Variants in AP3B1 observed in about 807,000 individuals in gnomAD.
AP3B1 encodes adaptor related protein complex 3 subunit beta 1, also known as AP-3 complex subunit beta-1.
AP3B1 carries 61 observed loss-of-function variants against 132.5 expected under a neutral mutation model. The observed-to-expected ratio is 0.46, with a 90% CI of 0.37 to 0.57. AP3B1 has a LOEUF of 0.57. Among genes scored for constraint, AP3B1 ranks in the 20% least tolerant of loss-of-function variants. AP3B1 has a pLI of 0.00. For missense variants in AP3B1, 1,120 were observed against 1,289.4 expected, an observed-to-expected ratio of 0.87 and a Z score of 2.01; for synonymous variants, 388 against 438.3, an observed-to-expected ratio of 0.89 and a Z score of 1.43.
chr5:78,177,643 G>T (rs1298035682), intron 8 of AP3B1, among the ~76,000 whole-genome samples: 1 of 152,062 alleles, frequency 6.6e-6, no homozygotes, highest in African/African-American at 2.4e-5. Flanking sequence ...TTGGAAGTGG[G>T]ATCTCTGCAG....
At position 78,003,030 on chromosome 5, in the gene AP3B1, C is replaced by A. The variant is rs546653512; in HGVS notation, c.3157G>T (p.Gly1053Trp). The change falls in exon 27 of 27, where the codon GGG (glycine) becomes TGG (tryptophan). Residue 1053 changes from glycine to tryptophan, a missense_variant. Coordinates refer to ENST00000255194, the MANE Select transcript of AP3B1 (RefSeq NM_003664.5). ...HRFAAKTVHS[G>W]SLMLVTVELK... ...TCCACTGTGACTAGCATCAATGACC[C>A]ACTGTGCACAGTTTTAGCTGCAAAC... The A allele has an allele frequency of 1.9e-6, 3 of 1,614,178 alleles. No individual in the cohort carries two copies. The African/African-American group carries it at 4.0e-5, about 22-fold the overall frequency.
At chr5:78,097,526 G>A (rs1412696173) in intron 21 of AP3B1, among the ~76,000 whole-genome samples, 3 of 105,926 alleles carry the variant, frequency 2.8e-5, no homozygotes, top group African/African-American at 7.6e-5. Context: ...TCAGCCCCCC[G>A]CCCGGCCAGC....
At chr5:78,168,421 G>A (rs759631139) in intron 11 of AP3B1, among the ~76,000 whole-genome samples, 27 of 151,478 alleles carry the variant, frequency 1.8e-4, no homozygotes, top group Admixed American at 1.2e-3. Context: ...ACGGAGTCTC[G>A]TTGTGTTGCT....
chr5:78,213,962 CAG>C (rs1426847651), intron 7 of AP3B1, among the ~76,000 whole-genome samples: 1 of 152,192 alleles, frequency 6.6e-6, no homozygotes, highest in African/African-American at 2.4e-5. Context: ...GTGTTTGAAA[CAG>C]TGGCAAAAGC....
chr5:78,171,606 T>C (rs1420909997), intron 11 of AP3B1, among the ~76,000 whole-genome samples: 3 of 152,244 alleles, frequency 2.0e-5, no homozygotes, highest in Non-Finnish European at 2.9e-5. Flanking sequence ...GACACTTTGC[T>C]GAAGTTGTTT....
chr5:78,113,204 C>T (rs1751672212), intron 19 of AP3B1, among the ~76,000 whole-genome samples: 1 of 152,176 alleles, frequency 6.6e-6, no homozygotes, highest in Non-Finnish European at 1.5e-5. Flanking sequence ...CAGAGTTGCA[C>T]AATCCAAGAT....
At chr5:78,196,057 C>T (rs1224569262) in intron 7 of AP3B1, among the ~76,000 whole-genome samples, 2 of 152,020 alleles carry the variant, frequency 1.3e-5, no homozygotes, top group Non-Finnish European at 1.5e-5. Flanking sequence ...AAAACTTTTG[C>T]TATGCAAAAG....
At chr5:78,205,933 G>A (rs1745487326) in intron 7 of AP3B1, among the ~76,000 whole-genome samples, 1 of 152,022 alleles carries the variant, frequency 6.6e-6, no homozygotes. Flanking sequence ...GAAAATGTAT[G>A]AAGTTACTTA....
At chr5:78,267,213 T>C (rs1748358588) in intron 2 of AP3B1, among the ~76,000 whole-genome samples, 1 of 152,066 alleles carries the variant, frequency 6.6e-6, no homozygotes, top group African/African-American at 2.4e-5. Context: ...CAAAATAGCT[T>C]GTATATCATC....
chr5:78,097,689 G>A (rs537067214), intron 21 of AP3B1, among the ~76,000 whole-genome samples: 31 of 151,432 alleles, frequency 2.0e-4, no homozygotes, highest in African/African-American at 7.0e-4. Flanking sequence ...CAGCCGCCTC[G>A]TCCAGGAGGT....
At chr5:78,037,483 T>G (rs2112097091) in intron 23 of AP3B1, among the ~76,000 whole-genome samples, 1 of 152,350 alleles carries the variant, frequency 6.6e-6, no homozygotes, top group African/African-American at 2.4e-5. Context: ...CAGCTTACTT[T>G]AACTCCACTT....
At chr5:78,034,545 CTG>C (rs551374234) in intron 23 of AP3B1, 100 bp from the exon 24 acceptor site, 3 of 898,714 alleles carry the variant, frequency 3.3e-6, no homozygotes, top group South Asian at 2.8e-5. Context: ...TTGGTTGAAA[CTG>C]TGAAATGTAA....
In AP3B1 at chr5:78,167,626, T is replaced by TACAC. The variant is rs201989787; in HGVS notation, c.1168-1955_1168-1954insGTGT. Reference sequence around the variant, plus strand: ...CAACATGTGGATAAAGAACATGTTATATATATACACACACACACACACACA... The same window carrying TACAC: ...CAACATGTGGATAAAGAACATGTTATACACATATATACACACACACACACACACA... On this transcript the variant is annotated intron_variant, in intron 11 of 26. Transcript: ENST00000255194. Among the ~76,000 whole-genome samples, 251 of 142,888 alleles carry TACAC rather than the reference T, an allele frequency of 1.8e-3. 1 individual carries two copies. Among genetic ancestry groups the TACAC allele is most frequent in the Admixed American group, 8.5e-3 (125 of 14,740 alleles). The allele number at this position is 142,888 out of a possible 152,430, so 93.7% of individuals were successfully genotyped here.
At chr5:78,175,901 C>T in intron 9 of AP3B1, 63 bp from the exon 10 acceptor site, 4 of 1,212,658 alleles carry the variant, frequency 3.3e-6, no homozygotes, top group Non-Finnish European at 4.9e-6. Context: ...TGAGTAAGCA[C>T]TACAATAATG....
At chr5:78,039,660 C>A (rs989116101) in intron 22 of AP3B1, among the ~76,000 whole-genome samples, 4 of 151,794 alleles carry the variant, frequency 2.6e-5, no homozygotes, top group Non-Finnish European at 4.4e-5. Context: ...CGCCTGTAGT[C>A]CCAGCTACTT....
intron 7 of AP3B1, among the ~76,000 whole-genome samples, chr5:78,183,184 G>A (rs1051661590): frequency 3.3e-5 from 5 of 152,204 alleles, no homozygotes; most frequent in Non-Finnish European, 7.3e-5. Flanking sequence ...TGGTAACAAT[G>A]AGTAAAATCC....
rs1744703034 is a variant in AP3B1, at chr5:78,188,668, C to T, written c.787-7006G>A. 5.9e-5 allele frequency among the ~76,000 whole-genome samples: 9 copies of T among 152,094 alleles called. No homozygotes were observed. In the South Asian group the frequency reaches 1.9e-3, roughly 32 times the overall value. On this transcript the variant is annotated intron_variant, in intron 7 of 26. Transcript: ENST00000255194. ...TACAATCATTGTTGAAGACAATGTG[C>T]TGATTCCTCAAAGATTTAGAACCAG...
intron 17 of AP3B1, among the ~76,000 whole-genome samples, chr5:78,117,808 T>G (rs916972559): frequency 2.0e-5 from 3 of 152,226 alleles, no homozygotes; most frequent in African/African-American, 7.2e-5. Context: ...AGTTTGCTTT[T>G]ATAGTCATGG....
chr5:78,092,134 C>T (rs1428666955), intron 21 of AP3B1, among the ~76,000 whole-genome samples: 1 of 152,160 alleles, frequency 6.6e-6, no homozygotes, highest in Admixed American at 6.5e-5. Context: ...TATCTACCCA[C>T]CCGTCCACCA....
Sources: gnomAD v4.1 joint callset for allele counts (sites outside exome capture counted in the v4.1 genomes callset) on GRCh38, gnomAD v4.1.1 for gene constraint, MANE v1.5 for transcripts, NCBI Gene and HGNC (gene_info 2026-07-23, HGNC 2026-07-21) for gene names.